The following PTPRD variants were observed in gnomAD, a reference collection of about 807,000 sequenced individuals.
PTPRD encodes protein tyrosine phosphatase receptor type D, also known as receptor-type tyrosine-protein phosphatase delta.
Under a neutral mutation model 214.5 loss-of-function variants are expected in PTPRD, and 34 were observed. That is an observed-to-expected ratio of 0.16 (90% CI 0.12 to 0.21). PTPRD has a LOEUF of 0.21. Ranked by LOEUF, PTPRD falls within the 10% of genes least tolerant of loss-of-function variation. PTPRD has a pLI of 1.00. For synonymous variants in PTPRD, 1,128 were observed against 845.7 expected (o/e 1.33, Z -5.79); for missense variants, 2,545 against 2,398.7 (o/e 1.06, Z -1.27).
chr9:9,361,128 G>A (rs1420800028), intron 9 of PTPRD, among the ~76,000 whole-genome samples: 1 of 151,062 alleles, frequency 6.6e-6, no homozygotes, highest in East Asian at 1.9e-4. Context: ...TTTGTCATTA[G>A]AAGTGCAGGT....
intron 10 of PTPRD, among the ~76,000 whole-genome samples, chr9:9,083,261 A>G (rs1459824114): frequency 6.6e-6 from 1 of 152,144 alleles, no homozygotes; most frequent in Non-Finnish European, 1.5e-5. Flanking sequence ...ATCTACAACC[A>G]TCTGAGCTTT....
chr9:8,385,184 G>T (rs1171566160), intron 37 of PTPRD, among the ~76,000 whole-genome samples: 1 of 151,942 alleles, frequency 6.6e-6, no homozygotes, highest in African/African-American at 2.4e-5. Flanking sequence ...CTCACCAAAG[G>T]TATTAATACA....
intron 19 of PTPRD, 64 bp from the exon 20 acceptor site, chr9:8,521,610 CAT>C: frequency 6.5e-7 from 1 of 1,540,512 alleles, no homozygotes; most frequent in Non-Finnish European, 8.8e-7. Flanking sequence ...TTATTAAACA[CAT>C]GACATGCACC....
chr9:8,408,686 C>T (rs550629202), intron 35 of PTPRD, among the ~76,000 whole-genome samples: 2 of 152,126 alleles, frequency 1.3e-5, no homozygotes, highest in Admixed American at 1.3e-4. Context: ...TTGGATGAAC[C>T]CCATATAGCG....
chr9:8,615,502 A>G (rs775586543), intron 14 of PTPRD, among the ~76,000 whole-genome samples: 7 of 152,084 alleles, frequency 4.6e-5, no homozygotes, highest in Non-Finnish European at 1.0e-4. Context: ...TGTTTTGAGG[A>G]AAGTCACTCC....
At chr9:8,460,094 A>C (rs949212097) in intron 33 of PTPRD, among the ~76,000 whole-genome samples, 5 of 152,132 alleles carry the variant, frequency 3.3e-5, no homozygotes, top group African/African-American at 1.2e-4. Context: ...GCTTGCATGG[A>C]ATTATTTGCT....
At chr9:8,805,996 GA>G (rs1163893682) in intron 11 of PTPRD, among the ~76,000 whole-genome samples, 1,001 of 93,098 alleles carry the variant, frequency 0.011, 14 homozygotes, top group African/African-American at 0.034. Flanking sequence ...CTCCGTCTCA[GA>G]AAAAAAAAAA....
chr9:9,073,124 A>G (rs769939232), intron 10 of PTPRD, among the ~76,000 whole-genome samples: 8 of 152,226 alleles, frequency 5.3e-5, no homozygotes, highest in Non-Finnish European at 8.8e-5. Flanking sequence ...TGAGGGAAAC[A>G]CTAATTAGTA....
chr9:10,231,983 A>AGTGTGTGTGTGT (rs1194347516), intron 3 of PTPRD, among the ~76,000 whole-genome samples: 3 of 97,170 alleles, frequency 3.1e-5, no homozygotes, highest in Non-Finnish European at 6.3e-5. Context: ...AGAGAGAGAG[A>AGTGTGTGTGTGT]GAGAGAGTGT....
intron 11 of PTPRD, among the ~76,000 whole-genome samples, chr9:8,850,382 A>G (rs1483214753): frequency 6.6e-6 from 1 of 152,208 alleles, no homozygotes; most frequent in Non-Finnish European, 1.5e-5. Context: ...ATGGAGATGG[A>G]GACATAGATG....
chr9:9,481,574 A>G (rs1005877813), intron 8 of PTPRD, among the ~76,000 whole-genome samples: 4 of 151,976 alleles, frequency 2.6e-5, no homozygotes, highest in Admixed American at 1.3e-4. Context: ...ATATAAAAAT[A>G]AATATATAAT....
At chr9:8,813,131 G>A (rs1435249681) in intron 11 of PTPRD, among the ~76,000 whole-genome samples, 3 of 152,140 alleles carry the variant, frequency 2.0e-5, no homozygotes, top group Non-Finnish European at 1.5e-5. Context: ...TATAATAAAT[G>A]GGGCTCCAAT....
chr9:10,098,938 G>C (rs1212856131), intron 3 of PTPRD, among the ~76,000 whole-genome samples: 1 of 151,634 alleles, frequency 6.6e-6, no homozygotes, highest in Non-Finnish European at 1.5e-5. Context: ...ATTGGAGCAA[G>C]AAGTCAAATA....
At chr9:10,213,471 C>G (rs191978903) in intron 3 of PTPRD, among the ~76,000 whole-genome samples, 14 of 152,168 alleles carry the variant, frequency 9.2e-5, no homozygotes, top group Admixed American at 7.2e-4. Context: ...CAGAGGACTT[C>G]AGGTCCTAAG....
At chr9:9,820,066 T>C (rs80152062) in intron 5 of PTPRD, among the ~76,000 whole-genome samples, 4,342 of 152,292 alleles carry the variant, frequency 0.029, 88 homozygotes, top group African/African-American at 0.056. Context: ...GTCTCCAAAT[T>C]GCTTTCCGCA....
intron 2 of PTPRD, among the ~76,000 whole-genome samples, chr9:10,593,189 A>C (rs2075909160): frequency 6.6e-6 from 1 of 152,018 alleles, no homozygotes; most frequent in Non-Finnish European, 1.5e-5. Context: ...AGTGCCTCTT[A>C]AACCATAATA....
chr9:8,978,958 G>A (rs542930438), intron 11 of PTPRD, among the ~76,000 whole-genome samples: 32 of 152,184 alleles, frequency 2.1e-4, no homozygotes, highest in African/African-American at 7.0e-4. Context: ...TGAATCCAAT[G>A]AGGCTGCCAT....
intron 11 of PTPRD, among the ~76,000 whole-genome samples, chr9:8,906,239 A>G (rs1023365467): frequency 3.9e-5 from 6 of 152,316 alleles, no homozygotes; most frequent in Admixed American, 3.9e-4. Context: ...GGTTTATAGA[A>G]GTTTAAAAGT....
chr9:8,321,755 A>C (rs1260598905), intron 44 of PTPRD, among the ~76,000 whole-genome samples: 7 of 151,802 alleles, frequency 4.6e-5, no homozygotes, highest in Non-Finnish European at 1.0e-4. Context: ...AGATAAAAGA[A>C]ATATCCAGGT....
Sources: allele counts gnomAD v4.1 joint callset (sites outside exome capture counted in the v4.1 genomes callset), GRCh38; gene constraint gnomAD v4.1.1; transcripts MANE v1.5; gene names NCBI Gene and HGNC (gene_info 2026-07-23, HGNC 2026-07-21).